CNTN6: variants seen among roughly 807,000 people sequenced by gnomAD.
CNTN6 encodes contactin-6.
In CNTN6, 137 loss-of-function variants were observed where a neutral mutation model predicts 122.8. The ratio of observed to expected loss-of-function variants is 1.12; its 90% CI spans 0.97 to 1.29. CNTN6 has a LOEUF of 1.29. CNTN6 is among the 50% of genes most tolerant of loss of function. The probability of loss-of-function intolerance (pLI) is 0.00; values close to 1 mark genes in which losing one functional copy is unlikely to be tolerated. For missense variants in CNTN6, 1,634 were observed against 1,223.4 expected (o/e 1.34, Z -5.01); for synonymous variants, 570 against 426.0 (o/e 1.34, Z -4.16).
intron 7 of CNTN6, among the ~76,000 whole-genome samples, chr3:1,312,216 A>T (rs960515220): frequency 2.0e-5 from 3 of 151,942 alleles, no homozygotes; most frequent in Non-Finnish European, 4.4e-5. Flanking sequence ...TCCTTTCCAT[A>T]TAGTTTTTGA....
chr3:1,105,656 TC>T (rs2091183026), intron 1 of CNTN6, among the ~76,000 whole-genome samples: 1 of 152,186 alleles, frequency 6.6e-6, no homozygotes. Context: ...ATTGTTCTAG[TC>T]TTATTAAAGA....
chr3:1,373,303 CA>C (rs1709364955), intron 14 of CNTN6, among the ~76,000 whole-genome samples: 1 of 152,032 alleles, frequency 6.6e-6, no homozygotes, highest in Admixed American at 6.6e-5. Flanking sequence ...ATATTAGCTG[CA>C]ATTACTTGAG....
chr3:1,102,986 G>T (rs916124294), intron 1 of CNTN6, among the ~76,000 whole-genome samples: 1 of 150,030 alleles, frequency 6.7e-6, no homozygotes, highest in Non-Finnish European at 1.5e-5. Flanking sequence ...GGCGCCTGTG[G>T]TCCCAGCTAC....
intron 2 of CNTN6, among the ~76,000 whole-genome samples, chr3:1,165,153 G>C (rs2093217826): frequency 6.6e-6 from 1 of 152,112 alleles, no homozygotes; most frequent in Non-Finnish European, 1.5e-5. Context: ...TATTTGTGTG[G>C]CTTGGAGGAA....
intron 13 of CNTN6, 33 bp from the exon 14 acceptor site, chr3:1,372,805 C>CG: frequency 7.6e-7 from 1 of 1,311,988 alleles, no homozygotes; most frequent in Non-Finnish European, 1.1e-6. Context: ...TATGGGCTTA[C>CG]GTTTTTATCC....
In CNTN6 at chr3:1,222,239, T is replaced by G. The variant is rs532848947; in HGVS notation, c.182+1426T>G. ...AAATTTGGGACACTCAATTCAGAGT[T>G]TGTTGATTTGTTAGTTTTTCTTAAA... On this transcript the variant is annotated intron_variant, in intron 3 of 22. Transcript: ENST00000446702. Among the ~76,000 whole-genome samples, 4 of 152,276 alleles carry G rather than the reference T, an allele frequency of 2.6e-5. No individual in the cohort carries two copies. In the South Asian group the frequency reaches 8.3e-4, roughly 32 times the overall value.
chr3:1,367,797 G>C (rs182061365), intron 12 of CNTN6, among the ~76,000 whole-genome samples: 5 of 152,128 alleles, frequency 3.3e-5, no homozygotes, highest in African/African-American at 1.2e-4. Context: ...TAAAGGGATG[G>C]AGATAATGGT....
rs140509972 is a variant in CNTN6 at position 1,345,973 on chromosome 3, G to A, written c.1365-6351G>A. Among the ~76,000 whole-genome samples the A allele has an allele frequency of 3.1e-3, 463 of 151,596 alleles. 3 individuals carry two copies. The highest frequency in any genetic ancestry group is 0.01 in the African/African-American group (425 of 41,354). On this transcript the variant is annotated intron_variant, in intron 11 of 22. Transcript: ENST00000446702. Reference sequence around the variant, plus strand: ...CAGCAATAAGAAATTATAATTGCCCGATGACCTGATTTTTTTTTTTTTTAG... The same window carrying A: ...CAGCAATAAGAAATTATAATTGCCCAATGACCTGATTTTTTTTTTTTTTAG...
chr3:1,392,728 C>T (rs912942328), intron 20 of CNTN6, among the ~76,000 whole-genome samples: 7 of 144,114 alleles, frequency 4.9e-5, no homozygotes, highest in Non-Finnish European at 7.8e-5. Flanking sequence ...CAAACAACCC[C>T]ATCAACAAGT....
At chr3:1,177,261 G>C (rs1218007805) in intron 2 of CNTN6, among the ~76,000 whole-genome samples, 1 of 152,148 alleles carries the variant, frequency 6.6e-6, no homozygotes, top group Non-Finnish European at 1.5e-5. Flanking sequence ...TGGGGGGTTT[G>C]TTGAATAAAC....
At chr3:1,284,356 G>T (rs1045939444) in intron 5 of CNTN6, among the ~76,000 whole-genome samples, 8 of 152,190 alleles carry the variant, frequency 5.3e-5, no homozygotes, top group African/African-American at 1.9e-4. Context: ...TGGTGTGCTT[G>T]CTGTTTCTGG....
At chr3:1,228,647 T>C (rs1207209671) in intron 4 of CNTN6, among the ~76,000 whole-genome samples, 1 of 152,178 alleles carries the variant, frequency 6.6e-6, no homozygotes, top group East Asian at 1.9e-4. Flanking sequence ...TTGAGAGTAA[T>C]TATATCTGTT....
At chr3:1,257,533 A>G (rs13065172) in intron 4 of CNTN6, among the ~76,000 whole-genome samples, 2 of 151,912 alleles carry the variant, frequency 1.3e-5, no homozygotes, top group Admixed American at 6.6e-5. Flanking sequence ...TAAACACCCA[A>G]CCTTGCTTCC....
At chr3:1,250,312 A>T (rs2094643767) in intron 4 of CNTN6, among the ~76,000 whole-genome samples, 1 of 152,164 alleles carries the variant, frequency 6.6e-6, no homozygotes, top group Non-Finnish European at 1.5e-5. Context: ...AGATGTCCTA[A>T]AGAAGCATCT....
intron 4 of CNTN6, among the ~76,000 whole-genome samples, chr3:1,267,075 C>T (rs1306152298): frequency 2.0e-5 from 3 of 151,610 alleles, no homozygotes; most frequent in Non-Finnish European, 4.4e-5. Flanking sequence ...ACTGCCACGC[C>T]CCACTAATTT....
intron 20 of CNTN6, among the ~76,000 whole-genome samples, chr3:1,392,689 T>C (rs1208402705): frequency 2.8e-5 from 4 of 144,800 alleles, no homozygotes; most frequent in African/African-American, 1.0e-4. Context: ...GAATCTACAA[T>C]GAACTCAAAC....
chr3:1,373,917 T>C lies in CNTN6; in HGVS notation c.1946-7T>C, dbSNP rs1219420203. 3.7e-6 allele frequency: 6 copies of C among 1,606,840 alleles called. No homozygotes were observed. In the East Asian group the frequency reaches 1.3e-4, roughly 36 times the overall value. On this transcript the variant is annotated splice_polypyrimidine_tract_variant and splice_region_variant and intron_variant, in intron 15 of 22. Coordinates refer to ENST00000446702, the MANE Select transcript of CNTN6 (RefSeq NM_001289080.2). ...ACCTAGGTGCCTTAGTGTCTCATTC[T>C]TTTTAGTTCCAGAAATTCTCAATGG... is the stretch of plus-strand genomic sequence containing the variant.
chr3:1,302,088 A>G (rs1241236401), intron 7 of CNTN6, among the ~76,000 whole-genome samples: 2 of 152,222 alleles, frequency 1.3e-5, no homozygotes, highest in Non-Finnish European at 1.5e-5. Flanking sequence ...ATAATTAACA[A>G]TCTGAAAATA....
intron 2 of CNTN6, among the ~76,000 whole-genome samples, chr3:1,177,091 G>A (rs1205894244): frequency 6.6e-6 from 1 of 152,134 alleles, no homozygotes; most frequent in Non-Finnish European, 1.5e-5. Flanking sequence ...CAATCACAAA[G>A]TTCCAACTGG....
Sources: gnomAD v4.1 joint callset for allele counts (sites outside exome capture counted in the v4.1 genomes callset) on GRCh38, gnomAD v4.1.1 for gene constraint, MANE v1.5 for transcripts, NCBI Gene and HGNC (gene_info 2026-07-23, HGNC 2026-07-21) for gene names.